GRB10: variants seen among roughly 807,000 people sequenced by gnomAD.
The protein encoded by GRB10 is growth factor receptor-bound protein 10.
A neutral mutation model predicts 80.9 loss-of-function variants in GRB10; 20 were observed. The ratio of observed to expected loss-of-function variants is 0.25; its 90% CI spans 0.17 to 0.36. The LOEUF is 0.36. Among genes scored for constraint, GRB10 ranks in the 10% least tolerant of loss-of-function variants. The pLI is 1.00. For missense variants in GRB10, 548 were observed against 747.7 expected (o/e 0.73, Z 3.12); for synonymous variants, 291 against 291.5 (o/e 1.00, Z 0.02).
intron 4 of GRB10, among the ~76,000 whole-genome samples, chr7:50,721,897 G>A (rs1178631222): frequency 6.6e-6 from 1 of 152,234 alleles, no homozygotes; most frequent in Non-Finnish European, 1.5e-5. Context: ...AAGGTGTCTG[G>A]GCTGAAGTCC....
chr7:50,726,956 T>C (rs2068748594), intron 4 of GRB10: 1 of 152,170 alleles, frequency 6.6e-6, no homozygotes, highest in African/African-American at 2.4e-5. Context: ...GCTTTGATAA[T>C]CTCATCTGCA....
At chr7:50,697,530 T>A (rs2063590786) in intron 5 of GRB10, among the ~76,000 whole-genome samples, 1 of 152,086 alleles carries the variant, frequency 6.6e-6, no homozygotes, top group African/African-American at 2.4e-5. Flanking sequence ...CAGTAACAGG[T>A]CAAGGAAAGT....
chr7:50,669,513 T>G (rs1204667220), intron 7 of GRB10, among the ~76,000 whole-genome samples: 1 of 152,210 alleles, frequency 6.6e-6, no homozygotes, highest in African/African-American at 2.4e-5. Context: ...AATTGGGGAT[T>G]ACAATTCCAC....
intron 11 of GRB10, 47 bp downstream of exon 11, chr7:50,616,163 T>A (rs199551488): frequency 9.9e-6 from 16 of 1,612,442 alleles, no homozygotes; most frequent in Middle Eastern, 1.6e-4. Context: ...CTGGGGGGAG[T>A]GACTGTGGCA....
chr7:50,596,115 G>C (rs1356912920), intron 17 of GRB10, among the ~76,000 whole-genome samples: 1 of 152,174 alleles, frequency 6.6e-6, no homozygotes, highest in African/African-American at 2.4e-5. Context: ...AACAATTAAC[G>C]AAGGAGGGGG....
intron 5 of GRB10, among the ~76,000 whole-genome samples, chr7:50,701,909 A>G (rs1200621233): frequency 6.6e-6 from 1 of 150,802 alleles, no homozygotes; most frequent in African/African-American, 2.4e-5. Flanking sequence ...AGCCATGGTC[A>G]CACTTTTTTT....
chr7:50,629,636 C>T (rs892610258), intron 7 of GRB10, among the ~76,000 whole-genome samples: 2 of 152,198 alleles, frequency 1.3e-5, no homozygotes, highest in Non-Finnish European at 2.9e-5. Context: ...CTCAAACCAC[C>T]CAGTCAACGC....
At chr7:50,720,016 G>A (rs1008804098) in intron 4 of GRB10, among the ~76,000 whole-genome samples, 3 of 152,090 alleles carry the variant, frequency 2.0e-5, no homozygotes, top group Non-Finnish European at 4.4e-5. Context: ...GAACTTGAAT[G>A]CCTCTCAACA....
At chr7:50,643,085 T>C (rs528475279) in intron 7 of GRB10, among the ~76,000 whole-genome samples, 1 of 152,128 alleles carries the variant, frequency 6.6e-6, no homozygotes, top group Non-Finnish European at 1.5e-5. Context: ...ATAAGCATAG[T>C]TTTTTCAACC....
intron 7 of GRB10, among the ~76,000 whole-genome samples, chr7:50,628,810 T>A (rs1037026200): frequency 6.6e-6 from 1 of 152,132 alleles, no homozygotes; most frequent in Non-Finnish European, 1.5e-5. Context: ...AAATCCACCA[T>A]CTCTTTTCCA....
intron 5 of GRB10, among the ~76,000 whole-genome samples, chr7:50,685,302 A>G (rs1234476892): frequency 6.6e-6 from 1 of 152,244 alleles, no homozygotes; most frequent in Non-Finnish European, 1.5e-5. Flanking sequence ...AAGGATTTAC[A>G]AGGCTAAATA....
intron 4 of GRB10, among the ~76,000 whole-genome samples, chr7:50,723,410 T>C (rs955071263): frequency 2.6e-5 from 4 of 152,222 alleles, no homozygotes; most frequent in Admixed American, 6.5e-5. Context: ...CATTTCCTCA[T>C]TGTCCAAAGA....
chr7:50,718,104 G>T (rs2067166717), intron 4 of GRB10, among the ~76,000 whole-genome samples: 1 of 152,200 alleles, frequency 6.6e-6, no homozygotes, highest in South Asian at 2.1e-4. Flanking sequence ...GAGGGGACAG[G>T]GGATTCCCAA....
chr7:50,787,224 G>A (rs190254663), upstream of GRB10, among the ~76,000 whole-genome samples: 491 of 152,166 alleles, frequency 3.2e-3, 1 homozygote, highest in African/African-American at 0.012. Context: ...ACCTTCCATG[G>A]AGTTTGAAAT....
intron 15 of GRB10, 116 bp from the exon 16 acceptor site, chr7:50,604,493 G>T: frequency 1.2e-6 from 1 of 864,300 alleles, no homozygotes; most frequent in Admixed American, 1.7e-5. Flanking sequence ...GCTCACAAGG[G>T]ACCTTGCCCC....
intron 2 of GRB10, among the ~76,000 whole-genome samples, chr7:50,760,313 C>G (rs1169838044): frequency 1.3e-5 from 2 of 152,038 alleles, no homozygotes; most frequent in Non-Finnish European, 2.9e-5. Flanking sequence ...TTAGGTTAGC[C>G]CTAAGAATAA....
At chr7:50,721,024 A>G (rs973841735) in intron 4 of GRB10, among the ~76,000 whole-genome samples, 1 of 152,254 alleles carries the variant, frequency 6.6e-6, no homozygotes, top group African/African-American at 2.4e-5. Flanking sequence ...GCCCTGCTTC[A>G]TTGAAAAGTT....
At chr7:50,618,003 C>T (rs1374407430) in intron 10 of GRB10, 68 bp downstream of exon 10, 2 of 1,232,212 alleles carry the variant, frequency 1.6e-6, no homozygotes, top group Admixed American at 3.4e-5. Flanking sequence ...TACAATGCTG[C>T]CATTCAGTTC....
intron 5 of GRB10, among the ~76,000 whole-genome samples, chr7:50,692,782 T>A (rs2062978117): frequency 6.6e-6 from 1 of 152,076 alleles, no homozygotes; most frequent in Non-Finnish European, 1.5e-5. Context: ...AAGGGAAAAA[T>A]ACAATATATA....
Sources: allele counts gnomAD v4.1 joint callset (sites outside exome capture counted in the v4.1 genomes callset), GRCh38; gene constraint gnomAD v4.1.1; transcripts MANE v1.5; gene names NCBI Gene and HGNC (gene_info 2026-07-23, HGNC 2026-07-21).